The following INTS8 variants were observed in gnomAD, a reference collection of about 807,000 sequenced individuals.
The protein encoded by INTS8 is integrator complex subunit 8.
A neutral mutation model predicts 138.9 loss-of-function variants in INTS8; 47 were observed. The observed-to-expected ratio is 0.34, with a 90% CI of 0.27 to 0.43. The LOEUF is 0.43. Ranked by LOEUF, INTS8 falls within the 20% of genes least tolerant of loss-of-function variation. The pLI is 1.00. For synonymous variants in INTS8, 392 were observed against 400.9 expected, an observed-to-expected ratio of 0.98 and a Z score of 0.27; for missense variants, 996 against 1,173.0, an observed-to-expected ratio of 0.85 and a Z score of 2.20.
At chr8:94,848,190 T>G in intron 10 of INTS8, among the ~76,000 whole-genome samples, 1 of 152,048 alleles carries the variant, frequency 6.6e-6, no homozygotes, top group Non-Finnish European at 1.5e-5. Flanking sequence ...TTTTTGTATT[T>G]TTAGTAGAGA....
chr8:94,842,441 CA>C lies in INTS8; in HGVS notation c.1214del (p.Gln405ArgfsTer11). 1 of 1,604,518 alleles carries C rather than the reference CA, an allele frequency of 6.2e-7. No individual in the cohort carries two copies. Among genetic ancestry groups the C allele is most frequent in the Non-Finnish European group, 8.5e-7 (1 of 1,172,062 alleles). On this transcript the variant is annotated frameshift_variant, in exon 10 of 27. Transcript: ENST00000523731. LOFTEE classifies it high-confidence loss of function. Reference sequence around the variant, plus strand: ...CAGAACAATTAGTGTTCAATTTAACCAGCTATTTCTTAGACCAAATAAAGAG... The same window carrying C: ...CAGAACAATTAGTGTTCAATTTAACCGCTATTTCTTAGACCAAATAAAGAG... ...EGRTISVQFN[Q>X]LFLRPNKEKI...
At position 94,823,394 on chromosome 8, in the gene INTS8, C is replaced by T. The variant is rs1333042287; in HGVS notation, c.-38C>T. On this transcript the variant is annotated 5_prime_UTR_variant, in exon 1 of 27. Coordinates refer to ENST00000523731, the MANE Select transcript of INTS8 (RefSeq NM_017864.4). ...CCGCATCCAAGTGTCAGGTTGGAGC[C>T]GGGAAGCGGCCCTGGTGGTAGCGGC... 2.0e-6 allele frequency: 3 copies of T among 1,510,330 alleles called. No individual in the cohort carries two copies. In the African/African-American group the frequency reaches 4.2e-5, roughly 21 times the overall value. The allele number at this position is 1,510,330 out of a possible 1,614,324, so 93.6% of individuals were successfully genotyped here.
At position 94,840,444 on chromosome 8, in the gene INTS8, A is replaced by T. The variant is rs543080482; in HGVS notation, c.1018-1047A>T. The stretch of plus-strand genomic sequence containing the variant: ...CATTCTTGAGAAGTAGCTAAGAAAA[A>T]GTCTGTATGTAATAATCTGGGTATT... On this transcript the variant is annotated intron_variant, in intron 8 of 26. Coordinates refer to ENST00000523731, the MANE Select transcript of INTS8 (RefSeq NM_017864.4). Among the ~76,000 whole-genome samples, 238 of 152,226 alleles carry T rather than the reference A, an allele frequency of 1.6e-3. 1 individual carries two copies. Among genetic ancestry groups the T allele is most frequent in the Non-Finnish European group, 1.0e-3 (70 of 68,016 alleles).
At chr8:94,877,649 C>T (rs1816610041) in intron 26 of INTS8, among the ~76,000 whole-genome samples, 2 of 152,120 alleles carry the variant, frequency 1.3e-5, no homozygotes, top group Non-Finnish European at 2.9e-5. Context: ...TACCTGTCAC[C>T]CTGAGCTTTA....
intron 6 of INTS8, among the ~76,000 whole-genome samples, chr8:94,836,229 C>G (rs1814922942): frequency 6.6e-6 from 1 of 152,154 alleles, no homozygotes; most frequent in Non-Finnish European, 1.5e-5. Context: ...AGTGTTGGCT[C>G]TCATCCTGAC....
At chr8:94,829,130 C>T (rs1219501502) in intron 5 of INTS8, 104 bp downstream of exon 5, 2 of 801,212 alleles carry the variant, frequency 2.5e-6, no homozygotes, top group Admixed American at 2.6e-5. Context: ...AAGGCAATTT[C>T]CAGGAAACTG....
intron 18 of INTS8, chr8:94,866,816 C>T (rs1816192992): frequency 4.0e-6 from 1 of 248,018 alleles, no homozygotes; most frequent in Non-Finnish European, 7.6e-6. Context: ...ACTTATTGGA[C>T]GTAACCTAGG....
chr8:94,847,700 C>A (rs1815381607), intron 10 of INTS8, among the ~76,000 whole-genome samples: 1 of 151,946 alleles, frequency 6.6e-6, no homozygotes, highest in African/African-American at 2.4e-5. Flanking sequence ...TTGAGTTTTT[C>A]TTTTTTTAAA....
rs749483152 is a variant in INTS8 at position 94,871,872 on chromosome 8, C to G, written c.2415-12C>G. ...TAAAATAGAGATTAATGTTGTGTGT[C>G]TTTCCTTTTAGCCTCCAGTCTGTGG... On this transcript the variant is annotated splice_polypyrimidine_tract_variant and intron_variant, in intron 20 of 26. Transcript: ENST00000523731. 1 of 1,404,218 alleles carries G rather than the reference C, an allele frequency of 7.1e-7. No individual in the cohort carries two copies. The highest frequency in any genetic ancestry group is 1.0e-6 in the Non-Finnish European group (1 of 994,576). The allele number at this position is 1,404,218 out of a possible 1,614,324, so 87.0% of individuals were successfully genotyped here.
intron 26 of INTS8, 83 bp downstream of exon 26, chr8:94,876,572 A>AT (rs947964804): frequency 2.4e-6 from 2 of 820,002 alleles, no homozygotes; most frequent in Non-Finnish European, 3.8e-6. Context: ...CAAAAAATAG[A>AT]TTTTGTGTAC....
chr8:94,873,253 T>A lies in INTS8; in HGVS notation c.2534-121T>A, dbSNP rs1816460293. 3 of 772,436 alleles carry A rather than the reference T, an allele frequency of 3.9e-6. No individual in the cohort carries two copies. In the South Asian group the frequency reaches 4.2e-5, roughly 11 times the overall value. The allele number at this position is 772,436 out of a possible 1,614,324, so 47.8% of individuals were successfully genotyped here. On this transcript the variant is annotated intron_variant, in intron 21 of 26. Transcript: ENST00000523731. ...AAGAAATACGAACTAACATTTTATTTCTAGTTCTGTGGTTTGAATCTGCTT... is the reference window on the plus strand; with the variant it reads ...AAGAAATACGAACTAACATTTTATTACTAGTTCTGTGGTTTGAATCTGCTT...
rs765879495 is a variant in INTS8 at position 94,859,616 on chromosome 8, G to A, written c.2060G>A (p.Ser687Asn). 2 of 1,609,712 alleles carry A rather than the reference G, an allele frequency of 1.2e-6. No individual in the cohort carries two copies. Among genetic ancestry groups the A allele is most frequent in the Non-Finnish European group, 1.7e-6 (2 of 1,176,288 alleles). Residue 687 changes from serine to asparagine, a missense_variant, in exon 16 of 27, where the codon AGT becomes AAT. Transcript: ENST00000523731. ...CAAGTTCCTGCATTTTTGCTTCAGA[G>A]TAATCCATATGTAAAGGTAGTTAAT... ...TLQVPAFLLQ[S>N]NPYVKLGQLL...
chr8:94,831,754 A>T (rs946649075), intron 5 of INTS8, among the ~76,000 whole-genome samples: 1 of 152,188 alleles, frequency 6.6e-6, no homozygotes, highest in African/African-American at 2.4e-5. Flanking sequence ...TGCTGGGATT[A>T]TAGGCGTGAG....
At chr8:94,857,100 T>TGTA in intron 15 of INTS8, 122 bp downstream of exon 15, 1 of 702,874 alleles carries the variant, frequency 1.4e-6, no homozygotes, top group Admixed American at 3.2e-5. Context: ...TGAGATGGAG[T>TGTA]GTAGCTCTGT....
chr8:94,858,757 A>G (rs145273058), intron 15 of INTS8, among the ~76,000 whole-genome samples: 125 of 152,330 alleles, frequency 8.2e-4, no homozygotes, highest in Non-Finnish European at 1.6e-3. Flanking sequence ...CCCAGCTTCA[A>G]AGCCTGTGCT....
intron 10 of INTS8, among the ~76,000 whole-genome samples, chr8:94,848,380 A>G (rs376581503): frequency 3.3e-5 from 5 of 152,176 alleles, no homozygotes; most frequent in African/African-American, 1.2e-4. Flanking sequence ...TTTAAAGTGT[A>G]TAAGTCAGTG....
rs77861705 is a variant in INTS8 at position 94,828,886 on chromosome 8, G to T, written c.519-89G>T. ...TTAAAAACACTCTTAAATTGAACCT[G>T]ACTTTCAAGAATGATGCTCTTAAGT... On this transcript the variant is annotated intron_variant, in intron 4 of 26. Coordinates refer to ENST00000523731, the MANE Select transcript of INTS8 (RefSeq NM_017864.4). 0.054 allele frequency: 42,911 copies of T among 800,302 alleles called. 1,448 individuals carry two copies. Among genetic ancestry groups the T allele is most frequent in the Middle Eastern group, 0.069 (230 of 3,332 alleles). 49.6% of individuals were successfully genotyped at this position (800,302 alleles called of 1,614,324 possible).
At chr8:94,857,263 G>A (rs544365825) in intron 15 of INTS8, among the ~76,000 whole-genome samples, 2 of 151,860 alleles carry the variant, frequency 1.3e-5, no homozygotes, top group South Asian at 4.2e-4. Flanking sequence ...GTAGAGATGG[G>A]GTTTCACTAT....
At chr8:94,857,690 T>C (rs1435393595) in intron 15 of INTS8, among the ~76,000 whole-genome samples, 1 of 152,346 alleles carries the variant, frequency 6.6e-6, no homozygotes, top group South Asian at 2.1e-4. Flanking sequence ...TCTCTGCTGC[T>C]GTCTTCACAT....
Sources: gnomAD v4.1 joint callset for allele counts (sites outside exome capture counted in the v4.1 genomes callset) on GRCh38, gnomAD v4.1.1 for gene constraint, MANE v1.5 for transcripts, NCBI Gene and HGNC (gene_info 2026-07-23, HGNC 2026-07-21) for gene names.